Variants in WASHC4 observed in about 807,000 individuals in gnomAD.
WASHC4 encodes the protein WASH complex subunit 7.
WASHC4 carries 86 observed loss-of-function variants against 166.6 expected under a neutral mutation model. That is an observed-to-expected ratio of 0.52 (90% CI 0.43 to 0.62). WASHC4 has a LOEUF of 0.62. Ranked by LOEUF, WASHC4 falls within the 20% of genes least tolerant of loss-of-function variation. The pLI is 0.00. For missense variants in WASHC4, 1,262 were observed against 1,382.4 expected (o/e 0.91, Z 1.38); for synonymous variants, 446 against 451.6 (o/e 0.99, Z 0.16).
chr12:105,116,947 A>G (rs907222903), intron 6 of WASHC4, among the ~76,000 whole-genome samples: 2 of 152,174 alleles, frequency 1.3e-5, no homozygotes, highest in East Asian at 1.9e-4. Flanking sequence ...GGCACTGCCT[A>G]TCTGCTGCTG....
intron 25 of WASHC4, among the ~76,000 whole-genome samples, chr12:105,151,575 G>T (rs1167204563): frequency 6.6e-6 from 1 of 151,884 alleles, no homozygotes; most frequent in Non-Finnish European, 1.5e-5. Flanking sequence ...TCCGCCTCTT[G>T]GGTTCAAGCG....
intron 1 of WASHC4, among the ~76,000 whole-genome samples, chr12:105,108,426 C>G (rs561698887): frequency 6.6e-6 from 1 of 152,208 alleles, no homozygotes; most frequent in East Asian, 1.9e-4. Context: ...GTCATTTTAT[C>G]ATTTTCCAGG....
intron 32 of WASHC4, 79 bp from the exon 33 acceptor site, chr12:105,166,785 C>T: frequency 2.0e-6 from 2 of 1,008,700 alleles, no homozygotes; most frequent in Non-Finnish European, 1.5e-6. Flanking sequence ...TACAGCTCTT[C>T]TCAAATTTCT....
chr12:105,156,648 C>A, intron 26 of WASHC4, 78 bp from the exon 27 acceptor site: 1 of 1,193,772 alleles, frequency 8.4e-7, no homozygotes, highest in Non-Finnish European at 1.2e-6. Flanking sequence ...TTGTAATTTA[C>A]TACTGTATGT....
chr12:105,123,125 C>T lies in WASHC4; in HGVS notation c.786+887C>T, dbSNP rs140247594. Among the ~76,000 whole-genome samples, 68 of 152,258 alleles carry T rather than the reference C, an allele frequency of 4.5e-4. No individual in the cohort carries two copies. The East Asian group carries it at 9.8e-3, about 22-fold the overall frequency. ...GGTCAGGAGTTCAAGACCAGCCTGG[C>T]CAAGATGGTGAAACCTTCTCTCTAC... On this transcript the variant is annotated intron_variant, in intron 10 of 32. Coordinates refer to ENST00000332180, the MANE Select transcript of WASHC4 (RefSeq NM_015275.3).
chr12:105,115,826 G>C (rs189722467), intron 6 of WASHC4, 98 bp downstream of exon 6: 4 of 790,034 alleles, frequency 5.1e-6, no homozygotes, highest in South Asian at 4.1e-5. Flanking sequence ...TACTAAAGAT[G>C]TGTACTCTGA....
At chr12:105,121,352 C>T (rs1326906048) in intron 9 of WASHC4, 148 bp downstream of exon 9, 6 of 645,118 alleles carry the variant, frequency 9.3e-6, no homozygotes, top group Non-Finnish European at 1.6e-5. Context: ...ATTTTTATGA[C>T]TACAGTAACC....
intron 30 of WASHC4, among the ~76,000 whole-genome samples, 197 bp downstream of exon 30, chr12:105,163,042 C>T (rs538862659): frequency 1.2e-4 from 19 of 152,166 alleles, no homozygotes; most frequent in South Asian, 2.1e-4. Context: ...CTGCAAGCTC[C>T]GCCTCCTGGG....
At chr12:105,110,565 A>G (rs1347450318) in intron 1 of WASHC4, among the ~76,000 whole-genome samples, 1 of 152,234 alleles carries the variant, frequency 6.6e-6, no homozygotes, top group East Asian at 1.9e-4. Flanking sequence ...ATGACAGTTA[A>G]ATAATTTAAC....
In WASHC4 at chr12:105,121,137, T is replaced by C. The variant is rs1880702378; in HGVS notation, c.598T>C (p.Leu200=). 3.1e-6 allele frequency: 5 copies of C among 1,613,156 alleles called. No individual in the cohort carries two copies. In the South Asian group the frequency reaches 4.4e-5, roughly 14 times the overall value. ...GCACTTGGGAGAACTGCTAACAGTT[T>C]TGCTCACCCTGGATGAAATTATTGA... ...YEHLGELLTV[L]LTLDEIIDNH... The change falls in exon 9 of 33, where the codon TTG becomes CTG. Residue 200 remains leucine (L), a synonymous_variant. Coordinates refer to ENST00000332180, the MANE Select transcript of WASHC4 (RefSeq NM_015275.3).
chr12:105,161,888 T>C (rs1884518333), intron 29 of WASHC4, among the ~76,000 whole-genome samples: 1 of 151,728 alleles, frequency 6.6e-6, no homozygotes, highest in Non-Finnish European at 1.5e-5. Context: ...ATGTGGCTAC[T>C]TAAGTTAATT....
chr12:105,122,171 A>G lies in WASHC4; in HGVS notation c.719A>G (p.Lys240Arg). 6.2e-7 allele frequency: 1 copy of G among 1,611,504 alleles called. No individual in the cohort carries two copies. Among genetic ancestry groups the G allele is most frequent in the South Asian group, 1.1e-5 (1 of 91,034 alleles). Residue 240 changes from lysine to arginine, a missense_variant, in exon 10 of 33, where the codon AAA becomes AGA. By Grantham distance (26) the Lys-to-Arg change is conservative. Coordinates refer to ENST00000332180, the MANE Select transcript of WASHC4 (RefSeq NM_015275.3). ...NPSKFGIQEE[K>R]LKPFEKFLLK... Reference sequence around the variant, plus strand: ...TCAAAATTTGGAATTCAGGAAGAAAAATTAAAGCCATTTGAAAAGTTCTTG... The same window carrying G: ...TCAAAATTTGGAATTCAGGAAGAAAGATTAAAGCCATTTGAAAAGTTCTTG...
chr12:105,149,321 T>A (rs1009295482), intron 24 of WASHC4: 7 of 985,298 alleles, frequency 7.1e-6, no homozygotes, highest in African/African-American at 7.0e-5. Flanking sequence ...TTGAGTCTGG[T>A]TTTGTGATTC....
At position 105,162,828 on chromosome 12, in the gene WASHC4, A is replaced by G. The variant is rs780916534; in HGVS notation, c.3140A>G (p.Asp1047Gly). 1 of 1,588,806 alleles carries G rather than the reference A, an allele frequency of 6.3e-7. No individual in the cohort carries two copies. The highest frequency in any genetic ancestry group is 8.6e-7 in the Non-Finnish European group (1 of 1,159,714). Residue 1047 changes from aspartate (D) to glycine (G), a missense_variant, in exon 30 of 33, where the codon GAT becomes GGT. Transcript: ENST00000332180. Reference sequence around the variant, plus strand: ...AATAAAATTGGAGCTGCCTTTACTGATGATGGCTTTGCCATGGGTAAGCTT... The same window carrying G: ...AATAAAATTGGAGCTGCCTTTACTGGTGATGGCTTTGCCATGGGTAAGCTT... ...KKNKIGAAFT[D>G]DGFAMGVAYI... is the part of the protein sequence containing the mutation.
Position 105,144,342 on chromosome 12 carries a change from A to G in WASHC4, c.2066A>G (p.His689Arg), listed in dbSNP as rs969195025. The G allele has an allele frequency of 8.1e-6, 13 of 1,613,440 alleles. No individual in the cohort carries two copies. The highest frequency in any genetic ancestry group is 5.0e-5 in the Admixed American group (3 of 60,004). Reference sequence around the variant, plus strand: ...GAGAAAGATCTGCGACTTTCTGTGCATACTCATTTAAAGCTGGATGACCGA... The same window carrying G: ...GAGAAAGATCTGCGACTTTCTGTGCGTACTCATTTAAAGCTGGATGACCGA... ...EIEKDLRLSV[H>R]THLKLDDRNP... The change falls in exon 21 of 33, where the codon CAT (histidine) becomes CGT (arginine). Residue 689 changes from histidine (H) to arginine (R), a missense_variant. Transcript: ENST00000332180.
At chr12:105,159,763 A>G (rs1285885002) in intron 28 of WASHC4, among the ~76,000 whole-genome samples, 1 of 152,230 alleles carries the variant, frequency 6.6e-6, no homozygotes, top group South Asian at 2.1e-4. Flanking sequence ...ATACAGAACT[A>G]TTATTTTAAG....
At chr12:105,130,984 A>G (rs755311281) in intron 13 of WASHC4, among the ~76,000 whole-genome samples, 19 of 152,296 alleles carry the variant, frequency 1.2e-4, no homozygotes, top group Non-Finnish European at 2.4e-4. Flanking sequence ...GCAACTGACA[A>G]TCCAATAGGA....
chr12:105,132,632 C>T (rs1039801282), intron 13 of WASHC4, among the ~76,000 whole-genome samples: 3 of 152,154 alleles, frequency 2.0e-5, no homozygotes, highest in Non-Finnish European at 2.9e-5. Context: ...TTGCCCTAGT[C>T]TTTCTGGGAG....
chr12:105,109,771 T>A (rs900213402), intron 1 of WASHC4, among the ~76,000 whole-genome samples: 1 of 151,456 alleles, frequency 6.6e-6, no homozygotes. Context: ...CTCAGCCTCC[T>A]TAGTAGCTGG....
Sources: gnomAD v4.1 joint callset for allele counts (sites outside exome capture counted in the v4.1 genomes callset) on GRCh38, gnomAD v4.1.1 for gene constraint, MANE v1.5 for transcripts, NCBI Gene and HGNC (gene_info 2026-07-23, HGNC 2026-07-21) for gene names.